ZMAT4: variants seen among roughly 807,000 people sequenced by gnomAD.
ZMAT4 encodes the protein zinc finger matrin-type 4.
A neutral mutation model predicts 28.7 loss-of-function variants in ZMAT4; 17 were observed. The ratio of observed to expected loss-of-function variants is 0.59; its 90% CI spans 0.41 to 0.89. ZMAT4 has a LOEUF of 0.89. Among genes scored for constraint, ZMAT4 ranks in the 40% least tolerant of loss-of-function variants. The pLI is 0.00. For synonymous variants in ZMAT4, 117 were observed against 109.2 expected, an observed-to-expected ratio of 1.07 and a Z score of -0.44; for missense variants, 240 against 283.8, an observed-to-expected ratio of 0.85 and a Z score of 1.11.
At chr8:40,755,990 C>T (rs1445487595) in intron 3 of ZMAT4, among the ~76,000 whole-genome samples, 1 of 152,042 alleles carries the variant, frequency 6.6e-6, no homozygotes, top group African/African-American at 2.4e-5. Flanking sequence ...GAACAGCAGG[C>T]CTGTCCTAAC....
At chr8:40,687,637 GACTT>G (rs1319910033) in intron 4 of ZMAT4, among the ~76,000 whole-genome samples, 1 of 152,010 alleles carries the variant, frequency 6.6e-6, no homozygotes, top group Non-Finnish European at 1.5e-5. Context: ...CTTTCTCTCT[GACTT>G]ACTTTGACTA....
intron 5 of ZMAT4, among the ~76,000 whole-genome samples, chr8:40,616,191 CATCTCACACCAGTTAG>C (rs1407207609): frequency 6.6e-6 from 1 of 152,172 alleles, no homozygotes; most frequent in Admixed American, 6.5e-5. Flanking sequence ...AATGAGATAC[CATCTCACACCAGTTAG>C]AATGGCGATC....
At chr8:40,697,548 CTCT>C (rs1432150669) in intron 3 of ZMAT4, 147 bp from the exon 4 acceptor site, 1 of 924,264 alleles carries the variant, frequency 1.1e-6, no homozygotes, top group East Asian at 3.0e-5. Flanking sequence ...GCTTTCTACT[CTCT>C]TCTTTTTTAA....
At chr8:40,786,447 A>ACATTCATTCATTCATT (rs71294786) in intron 2 of ZMAT4, among the ~76,000 whole-genome samples, 1,822 of 151,566 alleles carry the variant, frequency 0.012, 11 homozygotes, top group South Asian at 0.02. Context: ...GAAGTACATG[A>ACATTCATTCATTCATT]CATTCATTCA....
chr8:40,800,278 C>T (rs1342096277), intron 2 of ZMAT4, among the ~76,000 whole-genome samples: 6 of 152,124 alleles, frequency 3.9e-5, no homozygotes, highest in East Asian at 1.9e-4. Context: ...GAGAAATAAA[C>T]GAAGCTCTTA....
At chr8:40,661,182 C>A (rs1167122288) in intron 5 of ZMAT4, among the ~76,000 whole-genome samples, 1 of 152,128 alleles carries the variant, frequency 6.6e-6, no homozygotes, top group African/African-American at 2.4e-5. Context: ...CTCACTGCAA[C>A]CTCCGCCTCC....
intron 3 of ZMAT4, among the ~76,000 whole-genome samples, chr8:40,756,289 C>G (rs1812673895): frequency 6.6e-6 from 1 of 151,610 alleles, no homozygotes; most frequent in African/African-American, 2.4e-5. Flanking sequence ...GAAAGGTGCT[C>G]CAGGAGACTG....
At chr8:40,740,911 C>T (rs1811974449) in intron 3 of ZMAT4, among the ~76,000 whole-genome samples, 1 of 152,046 alleles carries the variant, frequency 6.6e-6, no homozygotes, top group Non-Finnish European at 1.5e-5. Flanking sequence ...CTACTTTATA[C>T]ATTCTTGAAG....
chr8:40,692,818 A>G (rs1809714454), intron 4 of ZMAT4, among the ~76,000 whole-genome samples: 1 of 152,190 alleles, frequency 6.6e-6, no homozygotes, highest in African/African-American at 2.4e-5. Flanking sequence ...AAGTTTCTAA[A>G]GAGAAGAGTT....
intron 2 of ZMAT4, among the ~76,000 whole-genome samples, chr8:40,772,859 G>A (rs975128648): frequency 2.0e-5 from 3 of 152,198 alleles, no homozygotes; most frequent in African/African-American, 7.2e-5. Context: ...GGGAGAAGAG[G>A]AGCCAATAGG....
intron 4 of ZMAT4, among the ~76,000 whole-genome samples, chr8:40,696,490 A>C (rs1312895076): frequency 1.3e-5 from 2 of 152,216 alleles, no homozygotes; most frequent in Non-Finnish European, 2.9e-5. Context: ...GTTTGGTCAC[A>C]TTTCTGCCAC....
At chr8:40,683,152 C>T (rs983102212) in intron 4 of ZMAT4, among the ~76,000 whole-genome samples, 1 of 152,134 alleles carries the variant, frequency 6.6e-6, no homozygotes, top group African/African-American at 2.4e-5. Flanking sequence ...AGCTTATTCT[C>T]CATAGTGTAA....
intron 3 of ZMAT4, among the ~76,000 whole-genome samples, chr8:40,749,877 T>C (rs1812386681): frequency 2.0e-5 from 3 of 152,228 alleles, no homozygotes; most frequent in Non-Finnish European, 1.5e-5. Context: ...ATTTGCAAAA[T>C]GCACACAGCA....
intron 3 of ZMAT4, among the ~76,000 whole-genome samples, chr8:40,761,468 C>G (rs1462352622): frequency 1.3e-5 from 2 of 152,056 alleles, no homozygotes; most frequent in African/African-American, 4.8e-5. Flanking sequence ...TCTTCCAGAG[C>G]CTTCTAAAGC....
At chr8:40,763,307 T>C (rs1464907537) in intron 3 of ZMAT4, among the ~76,000 whole-genome samples, 4 of 147,154 alleles carry the variant, frequency 2.7e-5, no homozygotes, top group Admixed American at 2.0e-4. Flanking sequence ...AGATCTCCTT[T>C]TGTTTTCTAC....
chr8:40,566,391 G>T (rs548423761), intron 6 of ZMAT4, among the ~76,000 whole-genome samples: 1 of 152,036 alleles, frequency 6.6e-6, no homozygotes, highest in Non-Finnish European at 1.5e-5. Flanking sequence ...GATGTTTTCC[G>T]GACATGTGGG....
intron 5 of ZMAT4, among the ~76,000 whole-genome samples, chr8:40,633,001 T>C (rs1325726067): frequency 6.6e-6 from 1 of 152,212 alleles, no homozygotes; most frequent in African/African-American, 2.4e-5. Flanking sequence ...GTCATGGACT[T>C]GTCCTCTTTT....
At chr8:40,610,540 G>A (rs2722438) in intron 5 of ZMAT4, among the ~76,000 whole-genome samples, 70,396 of 152,020 alleles carry the variant, frequency 0.46, 18,551 homozygotes, top group Non-Finnish European at 0.6. Flanking sequence ...TCTGGGAAGC[G>A]TGATTGTCAT....
intron 1 of ZMAT4, among the ~76,000 whole-genome samples, chr8:40,871,761 AC>A (rs1471973898): frequency 2.0e-5 from 3 of 152,276 alleles, no homozygotes; most frequent in Admixed American, 1.3e-4. Flanking sequence ...CCCTTTCAGC[AC>A]TTCCTCTGCA....
Sources: gnomAD v4.1 joint callset for allele counts (sites outside exome capture counted in the v4.1 genomes callset) on GRCh38, gnomAD v4.1.1 for gene constraint, MANE v1.5 for transcripts, NCBI Gene and HGNC (gene_info 2026-07-23, HGNC 2026-07-21) for gene names.